CFD: variants seen among roughly 807,000 people sequenced by gnomAD.
CFD encodes C3 convertase activator.
In CFD, 24 loss-of-function variants were observed where a neutral mutation model predicts 21.1. The ratio of observed to expected loss-of-function variants is 1.14; its 90% CI spans 0.82 to 1.60. The LOEUF (loss-of-function observed/expected upper bound fraction) is 1.60, where lower values mean the gene tolerates loss of function less well. Ranked by LOEUF, CFD falls within the 40% of genes most tolerant of loss-of-function variation. CFD has a pLI of 0.00. For missense variants in CFD, 535 were observed against 383.3 expected (o/e 1.40, Z -3.31); for synonymous variants, 242 against 175.9 (o/e 1.38, Z -2.97).
In CFD at chr19:859,710, GGC is replaced by G. The variant is rs1202388098; in HGVS notation, c.22_23del (p.Ala8SerfsTer199). 1 of 1,574,292 alleles carries G rather than the reference GGC, an allele frequency of 6.4e-7. No homozygotes were observed. Among genetic ancestry groups the G allele is most frequent in the East Asian group, 2.3e-5 (1 of 43,082 alleles). MHSWERL[A>X]VLVLLGAAAC... ...TCACCATGCACAGCTGGGAGCGCCT[GGC>G]AGTTCTGGTCCTCCTAGGAGCGGCC... On this transcript the variant is annotated frameshift_variant, in exon 1 of 5. Coordinates refer to ENST00000327726, the MANE Select transcript of CFD (RefSeq NM_001928.4). LOFTEE classifies it high-confidence loss of function.
At chr19:860,430 A>ACCCCCCCCCCCC (rs57197777) in intron 1 of CFD, among the ~76,000 whole-genome samples, 187 bp from the exon 2 acceptor site, 3 of 140,434 alleles carry the variant, frequency 2.1e-5, no homozygotes, top group South Asian at 2.2e-4. Flanking sequence ...CATGATCTGC[A>ACCCCCCCCCCCC]CCCCCCCCTC....
In CFD at chr19:863,224, A is replaced by T; in HGVS notation, c.748A>T (p.Ser250Cys). The T allele has an allele frequency of 6.5e-7, 1 of 1,545,888 alleles. No homozygotes were observed. Residue 250 changes from serine (S) to cysteine (C), a missense_variant, in exon 5 of 5, where the codon AGC (serine) becomes TGC (cysteine). By Grantham distance (112) the Ser-to-Cys change is moderately radical. Transcript: ENST00000327726. ...RVASYAAWID[S>C]VLA The stretch of plus-strand genomic sequence containing the variant: ...GGCGAGCTATGCGGCCTGGATCGAC[A>T]GCGTCCTGGCCTAGGGTGCCGGGGC...
Position 861,054 on chromosome 19 carries a change from C to G in CFD, c.357+49C>G, listed in dbSNP as rs778552642. 3.2e-6 allele frequency: 5 copies of G among 1,572,926 alleles called. No homozygotes were observed. In the South Asian group the frequency reaches 4.5e-5, roughly 14 times the overall value. On this transcript the variant is annotated intron_variant, in intron 3 of 4. Transcript: ENST00000327726. The stretch of plus-strand genomic sequence containing the variant: ...CTCCTGCGGCGCTGGGATCCCCGGC[C>G]CACCCTCACTCCACCCCGCCTACAC...
Position 863,371 on chromosome 19 carries a change from AT to A in CFD, c.*135del. The A allele has an allele frequency of 9.2e-7, 1 of 1,089,556 alleles. No individual in the cohort carries two copies. Among genetic ancestry groups the A allele is most frequent in the East Asian group, 2.6e-5 (1 of 38,188 alleles). 67.5% of individuals were successfully genotyped at this position (1,089,556 alleles called of 1,614,324 possible). A position where few individuals can be genotyped will look rare whatever the true frequency, so the allele number is the denominator to read the frequency against. On this transcript the variant is annotated 3_prime_UTR_variant, in exon 5 of 5. Coordinates refer to ENST00000327726, the MANE Select transcript of CFD (RefSeq NM_001928.4). ...AAGGGGAGGCCGAGGTGGGAGGATC[AT>A]TGGATCTCAGGAGTTCGAGATCAGC...
At chr19:862,136 G>T (rs1324763509) in intron 4 of CFD, among the ~76,000 whole-genome samples, 180 bp downstream of exon 4, 1 of 148,890 alleles carries the variant, frequency 6.7e-6, no homozygotes, top group Non-Finnish European at 1.5e-5. Context: ...GCCTGTATGA[G>T]GGGGCGGGGC....
chr19:860,858 C>T lies in CFD; in HGVS notation c.213-3C>T. On this transcript the variant is annotated splice_polypyrimidine_tract_variant and splice_region_variant and intron_variant, in intron 2 of 4. Transcript: ENST00000327726. Reference sequence around the variant, plus strand: ...CCGACCGCGGACTCCGTCCGGTCCCCAGGGCCGACGGGAAGGTGCAGGTTC... The same window carrying T: ...CCGACCGCGGACTCCGTCCGGTCCCTAGGGCCGACGGGAAGGTGCAGGTTC... 6.4e-7 allele frequency: 1 copy of T among 1,568,878 alleles called. No individual in the cohort carries two copies. The highest frequency in any genetic ancestry group is 8.6e-7 in the Non-Finnish European group (1 of 1,163,672).
rs370962604 is a variant in CFD at position 863,196 on chromosome 19, C to G, written c.720C>G (p.Arg240=). The G allele has an allele frequency of 6.5e-7, 1 of 1,540,120 alleles. No individual in the cohort carries two copies. ...GCAAGAAGCCCGGGATCTACACCCG[C>G]GTGGCGAGCTATGCGGCCTGGATCG... ...GNRKKPGIYT[R]VASYAAWIDS... Residue 240 remains arginine, a synonymous_variant, in exon 5 of 5, where the codon CGC becomes CGG. Coordinates refer to ENST00000327726, the MANE Select transcript of CFD (RefSeq NM_001928.4).
intron 3 of CFD, 49 bp from the exon 4 acceptor site, chr19:861,650 C>T (rs954563646): frequency 6.4e-7 from 1 of 1,554,736 alleles, no homozygotes; most frequent in African/African-American, 1.4e-5. Context: ...GCATTCTCCC[C>T]AGCCTCGCAC....
At chr19:862,676 T>TC (rs138470231) in intron 4 of CFD, among the ~76,000 whole-genome samples, 38,190 of 151,270 alleles carry the variant, frequency 0.25, 5,525 homozygotes, top group African/African-American at 0.39. Flanking sequence ...TGGGTGGGGC[T>TC]TAAGGGAGGG....
At position 860,847 on chromosome 19, in the gene CFD, C is replaced by A. The variant is rs755280733; in HGVS notation, c.213-14C>A. ...GTCGGCTGGCACCGACCGCGGACTC[C>A]GTCCGGTCCCCAGGGCCGACGGGAA... On this transcript the variant is annotated splice_polypyrimidine_tract_variant and intron_variant, in intron 2 of 4. Transcript: ENST00000327726. 4 of 1,562,376 alleles carry A rather than the reference C, an allele frequency of 2.6e-6. No individual in the cohort carries two copies. The highest frequency in any genetic ancestry group is 3.4e-6 in the Non-Finnish European group (4 of 1,160,582).
chr19:863,200 G>T lies in CFD; in HGVS notation c.724G>T (p.Ala242Ser), dbSNP rs755225578. The part of the protein sequence containing the change: ...RKKPGIYTRV[A>S]SYAAWIDSVL... ...GAAGCCCGGGATCTACACCCGCGTG[G>T]CGAGCTATGCGGCCTGGATCGACAG... The change falls in exon 5 of 5, where the codon GCG becomes TCG. Residue 242 changes from alanine to serine, a missense_variant. Coordinates refer to ENST00000327726, the MANE Select transcript of CFD (RefSeq NM_001928.4). 4.5e-6 allele frequency: 7 copies of T among 1,540,820 alleles called. No homozygotes were observed. In the South Asian group the frequency reaches 7.1e-5, roughly 16 times the overall value.
chr19:861,916 G>T lies in CFD; in HGVS notation c.575G>T (p.Arg192Leu). ...RTHHDGAITE[R>L]LMCAESNRRD... ...CACCACGACGGCGCCATCACCGAGCGCTTGATGTGCGCGGAGAGCAATCGC... is the reference window on the plus strand; with the variant it reads ...CACCACGACGGCGCCATCACCGAGCTCTTGATGTGCGCGGAGAGCAATCGC... Residue 192 changes from arginine to leucine, a missense_variant, in exon 4 of 5, where the codon CGC becomes CTC. By Grantham distance (102) the Arg-to-Leu change is moderately radical. Transcript: ENST00000327726. 4 of 1,570,388 alleles carry T rather than the reference G, an allele frequency of 2.5e-6. No homozygotes were observed. Among genetic ancestry groups the T allele is most frequent in the South Asian group, 2.3e-5 (2 of 87,572 alleles).
intron 1 of CFD, 46 bp downstream of exon 1, chr19:859,790 C>A (rs1320267854): frequency 2.1e-6 from 3 of 1,437,386 alleles, no homozygotes; most frequent in Middle Eastern, 1.8e-4. Context: ...TGTGTAGGGG[C>A]GTGGTGCTCC....
rs1299823818 is a variant in CFD, at chr19:860,733, G to A, written c.172G>A (p.Glu58Lys). The change falls in exon 2 of 5, where the codon GAG becomes AAG. Residue 58 changes from glutamate to lysine, a missense_variant. Coordinates refer to ENST00000327726, the MANE Select transcript of CFD (RefSeq NM_001928.4). ...CCTGTGCGGCGGCGTCCTGGTGGCG[G>A]AGCAGTGGGTGCTGAGCGCGGCGCA... is the stretch of plus-strand genomic sequence containing the variant. Reference protein sequence around the residue: ...AHLCGGVLVAEQWVLSAAHCL... With the variant: ...AHLCGGVLVAKQWVLSAAHCL... 1.9e-6 allele frequency: 3 copies of A among 1,567,594 alleles called. No homozygotes were observed. Among genetic ancestry groups the A allele is most frequent in the Non-Finnish European group, 1.7e-6 (2 of 1,166,256 alleles).
Position 863,081 on chromosome 19 carries a change from T to G in CFD, c.616-11T>G. 6.6e-7 allele frequency: 1 copy of G among 1,518,382 alleles called. No individual in the cohort carries two copies. 94.1% of individuals were successfully genotyped at this position (1,518,382 alleles called of 1,614,324 possible). ...CGGGCCGCCCCTCACGGCCCCGTCCTGTTCCGGCAGGGTGACTCCGGGGGC... is the reference window on the plus strand; with the variant it reads ...CGGGCCGCCCCTCACGGCCCCGTCCGGTTCCGGCAGGGTGACTCCGGGGGC... On this transcript the variant is annotated splice_polypyrimidine_tract_variant and intron_variant, in intron 4 of 4. Transcript: ENST00000327726.
In CFD at chr19:860,661, G is replaced by A. The variant is rs2035773812; in HGVS notation, c.100G>A (p.Ala34Thr). Residue 34 changes from alanine (A) to threonine (T), a missense_variant, in exon 2 of 5, where the codon GCG becomes ACG. Ala to Thr is a moderately conservative substitution (Grantham distance 58). Coordinates refer to ENST00000327726, the MANE Select transcript of CFD (RefSeq NM_001928.4). Reference sequence around the variant, plus strand: ...GATCCTGGGCGGCAGAGAGGCCGAGGCGCACGCGCGGCCCTACATGGCGTC... The same window carrying A: ...GATCCTGGGCGGCAGAGAGGCCGAGACGCACGCGCGGCCCTACATGGCGTC... Reference protein sequence around the residue: ...GRILGGREAEAHARPYMASVQ... With the variant: ...GRILGGREAETHARPYMASVQ... 8 of 1,504,154 alleles carry A rather than the reference G, an allele frequency of 5.3e-6. No homozygotes were observed. The highest frequency in any genetic ancestry group is 7.0e-6 in the Non-Finnish European group (8 of 1,135,456). The allele number at this position is 1,504,154 out of a possible 1,614,324, so 93.2% of individuals were successfully genotyped here.
chr19:860,898 T>G lies in CFD; in HGVS notation c.250T>G (p.Ser84Ala), dbSNP rs774965040. The change falls in exon 3 of 5, where the codon TCC (serine) becomes GCC (alanine). Residue 84 changes from serine (S) to alanine (A), a missense_variant. Ser to Ala is a moderately conservative substitution (Grantham distance 99, BLOSUM62 1). Coordinates refer to ENST00000327726, the MANE Select transcript of CFD (RefSeq NM_001928.4). ...GGTGCAGGTTCTCCTGGGCGCGCAC[T>G]CCCTGTCGCAGCCGGAGCCCTCCAA... ...GKVQVLLGAHSLSQPEPSKRL... is the reference protein window; with the variant it reads ...GKVQVLLGAHALSQPEPSKRL... 50 of 1,590,224 alleles carry G rather than the reference T, an allele frequency of 3.1e-5. No individual in the cohort carries two copies. Among genetic ancestry groups the G allele is most frequent in the Middle Eastern group, 1.7e-4 (1 of 6,050 alleles).
Position 863,131 on chromosome 19 carries a change from G to C in CFD, c.655G>C (p.Glu219Gln), listed in dbSNP as rs2035832942. The C allele has an allele frequency of 2.6e-6, 4 of 1,532,556 alleles. No individual in the cohort carries two copies. In the African/African-American group the frequency reaches 4.1e-5, roughly 16 times the overall value. The allele number at this position is 1,532,556 out of a possible 1,614,324, so 94.9% of individuals were successfully genotyped here. Residue 219 changes from glutamate (E) to glutamine (Q), a missense_variant, in exon 5 of 5, where the codon GAG (glutamate) becomes CAG (glutamine). Physicochemically the swap from Glu to Gln is conservative, Grantham distance 29. Transcript: ENST00000327726. Reference protein sequence around the residue: ...GGPLVCGGVLEGVVTSGSRVC... With the variant: ...GGPLVCGGVLQGVVTSGSRVC... The stretch of plus-strand genomic sequence containing the variant: ...CCCGCTGGTGTGCGGGGGCGTGCTC[G>C]AGGGCGTGGTCACCTCGGGCTCGCG...
chr19:862,702 A>AGTGGGGACTGAGCAGAGCAG (rs1463945484), intron 4 of CFD, among the ~76,000 whole-genome samples: 1 of 150,724 alleles, frequency 6.6e-6, no homozygotes, highest in African/African-American at 2.4e-5. Flanking sequence ...GCCTGAGGTG[A>AGTGGGGACTGAGCAGAGCAG]GTGGGGACTG....
Sources: gnomAD v4.1 joint callset for allele counts (sites outside exome capture counted in the v4.1 genomes callset) on GRCh38, gnomAD v4.1.1 for gene constraint, MANE v1.5 for transcripts, NCBI Gene and HGNC (gene_info 2026-07-23, HGNC 2026-07-21) for gene names.